EYS: variants seen among roughly 807,000 people sequenced by gnomAD.
The protein encoded by EYS is protein eyes shut homolog.
EYS carries 250 observed loss-of-function variants against 282.1 expected under a neutral mutation model. The ratio of observed to expected loss-of-function variants is 0.89; its 90% CI spans 0.80 to 0.98. The LOEUF (loss-of-function observed/expected upper bound fraction) is 0.98. Ranked by LOEUF, EYS falls within the 50% of genes least tolerant of loss-of-function variation. EYS has a pLI of 0.00. For missense variants in EYS, 4,016 were observed against 3,709.0 expected, an observed-to-expected ratio of 1.08 and a Z score of -2.15; for synonymous variants, 1,355 against 1,282.9, an observed-to-expected ratio of 1.06 and a Z score of -1.20.
At chr6:65,626,807 T>C (rs1264770903) in intron 2 of EYS, among the ~76,000 whole-genome samples, 2 of 151,914 alleles carry the variant, frequency 1.3e-5, no homozygotes, top group African/African-American at 4.8e-5. Context: ...AGATATATAT[T>C]GACTATGTGT....
chr6:64,559,735 A>G (rs1013052754), intron 26 of EYS, among the ~76,000 whole-genome samples: 3 of 151,974 alleles, frequency 2.0e-5, no homozygotes, highest in Non-Finnish European at 2.9e-5. Flanking sequence ...ATGCATACAC[A>G]TTTTATATAC....
chr6:63,914,619 A>G (rs1037074431), intron 35 of EYS, among the ~76,000 whole-genome samples: 5 of 152,006 alleles, frequency 3.3e-5, no homozygotes, highest in African/African-American at 1.2e-4. Flanking sequence ...GAGGCAGGAG[A>G]ATCACCTGAA....
At chr6:64,196,217 T>C (rs1244381981) in intron 31 of EYS, among the ~76,000 whole-genome samples, 1 of 152,184 alleles carries the variant, frequency 6.6e-6, no homozygotes, top group Non-Finnish European at 1.5e-5. Flanking sequence ...CCAGTTAGAA[T>C]GGCAATCATT....
chr6:65,264,603 A>G (rs1051034544), intron 12 of EYS, among the ~76,000 whole-genome samples: 4 of 152,212 alleles, frequency 2.6e-5, no homozygotes, highest in Admixed American at 2.6e-4. Flanking sequence ...AAATCAAAAG[A>G]AAAATAGAAA....
chr6:65,061,991 G>T (rs890185252), intron 12 of EYS, among the ~76,000 whole-genome samples: 1 of 151,682 alleles, frequency 6.6e-6, no homozygotes, highest in Non-Finnish European at 1.5e-5. Context: ...CTGTCCATTG[G>T]ATGTCACCTT....
rs192658916 is a variant in EYS at position 63,979,651 on chromosome 6, A to G, written c.7055+4732T>C. Reference sequence around the variant, plus strand: ...GCTCAGAAAGGGGAAAGTGATGTAAATATTATCTGTTTAATTTACTAACCT... The same window carrying G: ...GCTCAGAAAGGGGAAAGTGATGTAAGTATTATCTGTTTAATTTACTAACCT... On this transcript the variant is annotated intron_variant, in intron 35 of 42. Transcript: ENST00000503581. 2.0e-5 allele frequency among the ~76,000 whole-genome samples: 3 copies of G among 152,048 alleles called. No homozygotes were observed. In the East Asian group the frequency reaches 5.8e-4, roughly 30 times the overall value.
intron 26 of EYS, among the ~76,000 whole-genome samples, chr6:64,465,627 C>T (rs1485208570): frequency 6.6e-6 from 1 of 151,816 alleles, no homozygotes; most frequent in African/African-American, 2.4e-5. Context: ...AATGTAAGAC[C>T]TGAAACTGTA....
intron 19 of EYS, among the ~76,000 whole-genome samples, chr6:64,823,669 C>T (rs986547945): frequency 5.9e-5 from 9 of 151,906 alleles, no homozygotes; most frequent in Non-Finnish European, 8.8e-5. Flanking sequence ...CTCATCAAAC[C>T]GATAGGCAGA....
At chr6:64,211,120 C>T (rs997282879) in intron 31 of EYS, among the ~76,000 whole-genome samples, 4 of 152,116 alleles carry the variant, frequency 2.6e-5, no homozygotes, top group Admixed American at 6.5e-5. Context: ...AACTTCTCAG[C>T]CTCCATAAGT....
chr6:64,937,949 G>T (rs1358513475), intron 15 of EYS, among the ~76,000 whole-genome samples: 1 of 151,516 alleles, frequency 6.6e-6, no homozygotes, highest in African/African-American at 2.4e-5. Context: ...CCATAAAAAA[G>T]AAACAAAGTC....
intron 7 of EYS, among the ~76,000 whole-genome samples, chr6:65,400,027 C>T (rs1026291946): frequency 6.6e-6 from 1 of 152,018 alleles, no homozygotes; most frequent in African/African-American, 2.4e-5. Context: ...TAAGTGCAGA[C>T]TTTCTTCCAA....
intron 22 of EYS, among the ~76,000 whole-genome samples, chr6:64,753,188 T>C (rs999176944): frequency 2.0e-5 from 3 of 152,064 alleles, no homozygotes; most frequent in African/African-American, 7.2e-5. Context: ...AAGTATACAA[T>C]TGAGACTGCA....
chr6:63,930,979 T>C (rs1188050514), intron 35 of EYS, among the ~76,000 whole-genome samples: 1 of 152,212 alleles, frequency 6.6e-6, no homozygotes, highest in Non-Finnish European at 1.5e-5. Context: ...GTGCAGCCCT[T>C]CCTTTGCCTT....
chr6:64,779,153 G>T (rs1773780346), intron 22 of EYS, among the ~76,000 whole-genome samples: 1 of 152,066 alleles, frequency 6.6e-6, no homozygotes, highest in Non-Finnish European at 1.5e-5. Flanking sequence ...ATTTACCAAA[G>T]TAAATTGAAA....
chr6:64,388,897 A>T, intron 28 of EYS, 57 bp from the exon 29 acceptor site: 1 of 1,093,650 alleles, frequency 9.1e-7, no homozygotes, highest in Non-Finnish European at 1.2e-6. Flanking sequence ...CATTTATCTG[A>T]CAAATTAATT....
At chr6:65,548,594 A>C (rs1307462756) in intron 2 of EYS, among the ~76,000 whole-genome samples, 1 of 152,104 alleles carries the variant, frequency 6.6e-6, no homozygotes, top group Non-Finnish European at 1.5e-5. Context: ...TTTCCAAGAA[A>C]TTCTGTATCT....
At chr6:65,245,666 T>A (rs1309562673) in intron 12 of EYS, among the ~76,000 whole-genome samples, 1 of 152,062 alleles carries the variant, frequency 6.6e-6, no homozygotes, top group Non-Finnish European at 1.5e-5. Context: ...GTGTTCAGTT[T>A]AATCTAATTG....
chr6:64,157,133 A>G (rs901156587), intron 31 of EYS, among the ~76,000 whole-genome samples: 7 of 145,304 alleles, frequency 4.8e-5, no homozygotes, highest in African/African-American at 1.5e-4. Flanking sequence ...TATGAGTGAG[A>G]ATATGCGGTG....
intron 1 of EYS, among the ~76,000 whole-genome samples, chr6:65,692,955 G>T (rs1236512940): frequency 6.7e-6 from 1 of 149,768 alleles, no homozygotes; most frequent in Non-Finnish European, 1.5e-5. Flanking sequence ...CTTTCATATG[G>T]TCTTGGCTCC....
Sources: allele counts gnomAD v4.1 joint callset (sites outside exome capture counted in the v4.1 genomes callset), GRCh38; gene constraint gnomAD v4.1.1; transcripts MANE v1.5; gene names NCBI Gene and HGNC (gene_info 2026-07-23, HGNC 2026-07-21).